The following RIMS1 variants were observed in gnomAD, a reference collection of about 807,000 sequenced individuals.
RIMS1 encodes the protein regulating synaptic membrane exocytosis protein 1.
Under a neutral mutation model 214.1 loss-of-function variants are expected in RIMS1, and 83 were observed. That is an observed-to-expected ratio of 0.39 (90% CI 0.32 to 0.47). RIMS1 has a LOEUF of 0.47. RIMS1 is among the 20% of genes least tolerant of loss of function. RIMS1 has a pLI of 0.99. For synonymous variants in RIMS1, 793 were observed against 786.8 expected (o/e 1.01, Z -0.13); for missense variants, 2,050 against 2,161.8 (o/e 0.95, Z 1.03).
chr6:72,338,863 G>A, intron 29 of RIMS1, among the ~76,000 whole-genome samples: 1 of 151,010 alleles, frequency 6.6e-6, no homozygotes, highest in Non-Finnish European at 1.5e-5. Context: ...GAGAGAGAGA[G>A]AGAGAGAGAG....
intron 2 of RIMS1, among the ~76,000 whole-genome samples, chr6:71,996,006 CA>C (rs1481755011): frequency 6.6e-6 from 1 of 152,090 alleles, no homozygotes; most frequent in Non-Finnish European, 1.5e-5. Context: ...AGGCTGGTCT[CA>C]AACTCCTGAC....
At chr6:72,400,362 T>C in intron 33 of RIMS1, 134 bp from the exon 34 acceptor site, 3 of 691,660 alleles carry the variant, frequency 4.3e-6, no homozygotes, top group Non-Finnish European at 7.7e-6. Flanking sequence ...GCCTTCTCCT[T>C]GGTGATAGTT....
intron 29 of RIMS1, among the ~76,000 whole-genome samples, chr6:72,371,084 C>T (rs10943008): frequency 0.4 from 61,029 of 151,912 alleles, 12,907 homozygotes; most frequent in Middle Eastern, 0.49. Flanking sequence ...GCATTTAAAG[C>T]ATTTATAACA....
At chr6:71,905,374 T>A (rs1402612754) in intron 1 of RIMS1, among the ~76,000 whole-genome samples, 1 of 152,054 alleles carries the variant, frequency 6.6e-6, no homozygotes, top group Non-Finnish European at 1.5e-5. Context: ...CCCTCTTCTA[T>A]CTTGAAGCAG....
At chr6:72,162,330 A>T (rs1181242717) in intron 4 of RIMS1, among the ~76,000 whole-genome samples, 2 of 139,010 alleles carry the variant, frequency 1.4e-5, no homozygotes, top group African/African-American at 2.5e-5. Flanking sequence ...ATGGGTTTTG[A>T]CTCTTTATCC....
intron 4 of RIMS1, among the ~76,000 whole-genome samples, chr6:72,112,860 G>A (rs1167691621): frequency 6.6e-6 from 1 of 152,054 alleles, no homozygotes; most frequent in Non-Finnish European, 1.5e-5. Flanking sequence ...CTTTAACTTT[G>A]CAGTATTCTC....
At chr6:71,973,363 T>C (rs914703801) in intron 2 of RIMS1, among the ~76,000 whole-genome samples, 5 of 152,224 alleles carry the variant, frequency 3.3e-5, no homozygotes, top group African/African-American at 1.2e-4. Context: ...GTATGCATTG[T>C]ATTTTTCTTA....
At chr6:71,982,199 A>G (rs1449952114) in intron 2 of RIMS1, among the ~76,000 whole-genome samples, 1 of 152,124 alleles carries the variant, frequency 6.6e-6, no homozygotes, top group African/African-American at 2.4e-5. Flanking sequence ...TTGAAGCATT[A>G]AAAGTGTTAA....
At chr6:72,149,373 T>A (rs1305841505) in intron 4 of RIMS1, among the ~76,000 whole-genome samples, 1 of 152,184 alleles carries the variant, frequency 6.6e-6, no homozygotes, top group Non-Finnish European at 1.5e-5. Context: ...CCCCTCCAGT[T>A]GCAGACTGGA....
At chr6:71,932,671 T>C (rs925346003) in intron 1 of RIMS1, among the ~76,000 whole-genome samples, 2 of 152,154 alleles carry the variant, frequency 1.3e-5, no homozygotes, top group Admixed American at 1.3e-4. Context: ...TACTGTGCAC[T>C]ATGTTGCTCA....
intron 4 of RIMS1, among the ~76,000 whole-genome samples, chr6:72,133,925 G>A (rs1161224744): frequency 6.6e-6 from 1 of 152,094 alleles, no homozygotes; most frequent in African/African-American, 2.4e-5. Context: ...CTTATAAGTT[G>A]GATAACTTTA....
rs184044355 is a variant in RIMS1 at position 72,082,964 on chromosome 6, G to A, written c.246-13985G>A. ...TTATAGGACCATTGATGTTTTAAAG[G>A]AATTATTCTGATCAAATATTAAAAA... On this transcript the variant is annotated intron_variant, in intron 2 of 33. Transcript: ENST00000521978. Among the ~76,000 whole-genome samples, 214 of 152,220 alleles carry A rather than the reference G, an allele frequency of 1.4e-3. 1 individual carries two copies. The highest frequency in any genetic ancestry group is 4.9e-3 in the African/African-American group (204 of 41,530).
rs190438714 is a variant in RIMS1 at position 71,889,602 on chromosome 6, C to T, written c.164+2415C>T. ...AGTGTTTTGGAATCCCAGTTTGCTG[C>T]CATGTAAGCATGTCATATTGTCTGC... On this transcript the variant is annotated intron_variant, in intron 1 of 33. Transcript: ENST00000521978. Among the ~76,000 whole-genome samples the T allele has an allele frequency of 2.6e-5, 4 of 152,234 alleles. No homozygotes were observed. In the East Asian group the frequency reaches 5.8e-4, roughly 22 times the overall value.
chr6:72,307,620 G>A (rs970084457), intron 27 of RIMS1, among the ~76,000 whole-genome samples: 5 of 150,410 alleles, frequency 3.3e-5, no homozygotes, highest in African/African-American at 4.9e-5. Flanking sequence ...CCGGGCGTGC[G>A]CCTGTAATCC....
At chr6:72,176,072 A>G (rs72940755) in intron 4 of RIMS1, among the ~76,000 whole-genome samples, 2,654 of 152,310 alleles carry the variant, frequency 0.017, 33 homozygotes, top group Non-Finnish European at 0.026. Context: ...TAACTTCACG[A>G]TAGTATTTGA....
chr6:72,298,769 C>T (rs1333171635), intron 26 of RIMS1, among the ~76,000 whole-genome samples: 2 of 151,920 alleles, frequency 1.3e-5, no homozygotes, highest in Non-Finnish European at 2.9e-5. Flanking sequence ...TTTCTCCTCC[C>T]TTTCCCTATT....
chr6:72,341,126 T>C (rs1468837010), intron 29 of RIMS1, among the ~76,000 whole-genome samples: 1 of 152,096 alleles, frequency 6.6e-6, no homozygotes, highest in African/African-American at 2.4e-5. Context: ...TTTTTGCACA[T>C]TGATTTTGTA....
intron 4 of RIMS1, among the ~76,000 whole-genome samples, chr6:72,155,592 C>A (rs913220465): frequency 7.1e-6 from 1 of 141,396 alleles, no homozygotes; most frequent in Non-Finnish European, 1.6e-5. Context: ...GGAAGCCCCA[C>A]AATCATGGTG....
intron 2 of RIMS1, among the ~76,000 whole-genome samples, chr6:72,092,103 C>A (rs1015896359): frequency 6.6e-6 from 1 of 152,114 alleles, no homozygotes; most frequent in Non-Finnish European, 1.5e-5. Context: ...AGGACAGCAT[C>A]TTGACAACAT....
Sources: gnomAD v4.1 joint callset for allele counts (sites outside exome capture counted in the v4.1 genomes callset) on GRCh38, gnomAD v4.1.1 for gene constraint, MANE v1.5 for transcripts, NCBI Gene and HGNC (gene_info 2026-07-23, HGNC 2026-07-21) for gene names.